Variants in SLC16A7 observed in about 807,000 individuals in gnomAD.
SLC16A7 encodes the protein monocarboxylate transporter 2.
Under a neutral mutation model 34.9 loss-of-function variants are expected in SLC16A7, and 33 were observed. The ratio of observed to expected loss-of-function variants is 0.94; its 90% CI spans 0.72 to 1.26. The LOEUF (loss-of-function observed/expected upper bound fraction) is 1.26, where lower values mean the gene tolerates loss of function less well. SLC16A7 is among the 50% of genes most tolerant of loss of function. SLC16A7 has a pLI of 0.00. For missense variants in SLC16A7, 573 were observed against 578.1 expected (o/e 0.99, Z 0.09); for synonymous variants, 201 against 206.6 (o/e 0.97, Z 0.23).
At chr12:59,656,243 A>G (rs1434119595) in intron 2 of SLC16A7, among the ~76,000 whole-genome samples, 1 of 151,990 alleles carries the variant, frequency 6.6e-6, no homozygotes, top group African/African-American at 2.4e-5. Context: ...CCACATTTTA[A>G]TCTCTGCCAC....
chr12:59,720,437 A>C (rs113688381), intron 3 of SLC16A7, among the ~76,000 whole-genome samples: 4 of 152,118 alleles, frequency 2.6e-5, no homozygotes, highest in African/African-American at 9.6e-5. Flanking sequence ...GAACAAAAGC[A>C]TATATTTGAT....
intron 1 of SLC16A7, among the ~76,000 whole-genome samples, chr12:59,619,056 A>G (rs778672029): frequency 5.3e-5 from 8 of 152,074 alleles, no homozygotes; most frequent in Non-Finnish European, 1.0e-4. Context: ...AAATGTATCT[A>G]ATGTGAGCAT....
At chr12:59,701,587 A>T (rs929395276) in intron 2 of SLC16A7, among the ~76,000 whole-genome samples, 28 of 151,768 alleles carry the variant, frequency 1.8e-4, no homozygotes, top group African/African-American at 6.7e-4. Context: ...ACATTTCTTA[A>T]GGGGGGCATA....
intron 1 of SLC16A7, among the ~76,000 whole-genome samples, chr12:59,597,668 T>C (rs1343720461): frequency 1.3e-5 from 2 of 152,208 alleles, no homozygotes; most frequent in East Asian, 1.9e-4. Flanking sequence ...TATTTAGCTC[T>C]GGTGAAGCAA....
chr12:59,721,691 T>C (rs532765061), intron 3 of SLC16A7, among the ~76,000 whole-genome samples: 1 of 152,056 alleles, frequency 6.6e-6, no homozygotes, highest in South Asian at 2.1e-4. Context: ...CTTGTACCCC[T>C]CATCTGAAAT....
At chr12:59,679,004 T>G (rs998773743) in intron 2 of SLC16A7, among the ~76,000 whole-genome samples, 3 of 152,098 alleles carry the variant, frequency 2.0e-5, no homozygotes, top group Non-Finnish European at 4.4e-5. Flanking sequence ...TGGCCTCAAC[T>G]TTGCTCCAAG....
chr12:59,634,076 G>A (rs562598607), intron 1 of SLC16A7, among the ~76,000 whole-genome samples: 8 of 152,154 alleles, frequency 5.3e-5, no homozygotes, highest in East Asian at 3.9e-4. Context: ...TGAAACAGCC[G>A]GGTTCATTAT....
At chr12:59,681,086 C>T (rs567739446) in intron 2 of SLC16A7, among the ~76,000 whole-genome samples, 69 of 152,310 alleles carry the variant, frequency 4.5e-4, no homozygotes, top group Non-Finnish European at 8.5e-4. Flanking sequence ...GGTGCAGGCA[C>T]CAATGGAAAA....
At chr12:59,657,450 T>C (rs2033046931) in intron 2 of SLC16A7, among the ~76,000 whole-genome samples, 1 of 152,026 alleles carries the variant, frequency 6.6e-6, no homozygotes, top group African/African-American at 2.4e-5. Flanking sequence ...ATCTTGGTAG[T>C]AGGGAAAGTA....
At chr12:59,597,148 C>G (rs1278016560) in intron 1 of SLC16A7, 1 of 151,892 alleles carries the variant, frequency 6.6e-6, no homozygotes, top group African/African-American at 2.4e-5. Context: ...AAAGGGCGGT[C>G]GTGCCCAGTG....
intron 2 of SLC16A7, among the ~76,000 whole-genome samples, chr12:59,703,079 C>A (rs1873081771): frequency 6.6e-6 from 1 of 151,982 alleles, no homozygotes; most frequent in Non-Finnish European, 1.5e-5. Flanking sequence ...GTGAGATCCC[C>A]TTATCCATTT....
intron 3 of SLC16A7, chr12:59,764,063 G>C (rs1382133304): frequency 6.6e-6 from 1 of 152,164 alleles, no homozygotes; most frequent in Non-Finnish European, 1.5e-5. Flanking sequence ...TCTCTCATTT[G>C]AAATCAAAAG....
chr12:59,754,913 T>A (rs1266322563), intron 3 of SLC16A7, among the ~76,000 whole-genome samples: 1 of 152,158 alleles, frequency 6.6e-6, no homozygotes, highest in Non-Finnish European at 1.5e-5. Flanking sequence ...TCCACCATGA[T>A]CAAGTGGGCT....
chr12:59,763,001 C>T (rs1881177990), intron 3 of SLC16A7, among the ~76,000 whole-genome samples: 1 of 151,754 alleles, frequency 6.6e-6, no homozygotes, highest in South Asian at 2.1e-4. Flanking sequence ...TTTTTATTTG[C>T]AAAAACATTG....
intron 3 of SLC16A7, chr12:59,768,281 C>T (rs775834519): frequency 2.2e-6 from 1 of 448,752 alleles, no homozygotes; most frequent in South Asian, 1.6e-5. Flanking sequence ...AAGTTTATTT[C>T]AATCCTCATG....
chr12:59,672,236 A>G (rs1381009496), intron 2 of SLC16A7, among the ~76,000 whole-genome samples: 1 of 146,850 alleles, frequency 6.8e-6, no homozygotes, highest in Admixed American at 6.9e-5. Flanking sequence ...ATATGCATAT[A>G]TACGTATATA....
At chr12:59,656,091 C>T (rs1332998118) in intron 2 of SLC16A7, among the ~76,000 whole-genome samples, 2 of 151,864 alleles carry the variant, frequency 1.3e-5, no homozygotes, top group African/African-American at 4.8e-5. Context: ...AGTTATATTA[C>T]CTGTTTGTTG....
Position 59,775,418 on chromosome 12 carries a change from G to A in SLC16A7, c.1123G>A (p.Val375Ile), listed in dbSNP as rs374598377. The change falls in exon 5 of 6, where the codon GTC becomes ATC. Residue 375 changes from valine to isoleucine, a missense_variant. Physicochemically the swap from Val to Ile is conservative, Grantham distance 29. Transcript: ENST00000547379. ...LVGAPRFSSA[V>I]GLVTIVECGP... ...GGGTGCACCAAGATTTTCCAGTGCC[G>A]TCGGACTTGTCACAATTGTGGAGTG... 67 of 1,614,058 alleles carry A rather than the reference G, an allele frequency of 4.2e-5. No individual in the cohort carries two copies. Among genetic ancestry groups the A allele is most frequent in the Middle Eastern group, 3.3e-4 (2 of 6,056 alleles).
At position 59,774,999 on chromosome 12, in the gene SLC16A7, A is replaced by G. The variant is rs567459331; in HGVS notation, c.704A>G (p.Lys235Arg). ...AAATCAACTTGGGAAAAAGTTAATA[A>G]GTATTTAGATTTCTCCCTTTTTAAG... ...TKKSTWEKVN[K>R]YLDFSLFKHR... Residue 235 changes from lysine to arginine, a missense_variant, in exon 5 of 6, where the codon AAG (lysine) becomes AGG (arginine). Transcript: ENST00000547379. The G allele has an allele frequency of 1.2e-6, 2 of 1,613,764 alleles. No homozygotes were observed. Among genetic ancestry groups the G allele is most frequent in the South Asian group, 2.2e-5 (2 of 91,072 alleles).
Sources: gnomAD v4.1 joint callset for allele counts (sites outside exome capture counted in the v4.1 genomes callset) on GRCh38, gnomAD v4.1.1 for gene constraint, MANE v1.5 for transcripts, NCBI Gene and HGNC (gene_info 2026-07-23, HGNC 2026-07-21) for gene names.